Variants in CELF4 observed in about 807,000 individuals in gnomAD.
CELF4 encodes CUGBP Elav-like family member 4.
In CELF4, 18 loss-of-function variants were observed where a neutral mutation model predicts 59.9. That is an observed-to-expected ratio of 0.30 (90% CI 0.21 to 0.45). CELF4 has a LOEUF of 0.45. Among genes scored for constraint, CELF4 ranks in the 20% least tolerant of loss-of-function variants. The probability of loss-of-function intolerance (pLI) is 1.00; values close to 1 mark genes in which losing one functional copy is unlikely to be tolerated. For synonymous variants in CELF4, 261 were observed against 267.1 expected (o/e 0.98, Z 0.22); for missense variants, 456 against 689.0 (o/e 0.66, Z 3.79).
intron 2 of CELF4, among the ~76,000 whole-genome samples, chr18:37,445,632 G>A (rs2099746070): frequency 1.3e-5 from 2 of 152,128 alleles, no homozygotes; most frequent in African/African-American, 4.8e-5. Flanking sequence ...CAAGGATGGG[G>A]TGGCAGATGC....
intron 2 of CELF4, among the ~76,000 whole-genome samples, chr18:37,482,538 C>A (rs1304977486): frequency 1.3e-5 from 2 of 152,150 alleles, no homozygotes; most frequent in East Asian, 3.8e-4. Flanking sequence ...CATCAGAGGG[C>A]CCTGCTCAGG....
intron 1 of CELF4, among the ~76,000 whole-genome samples, chr18:37,508,742 G>C (rs2154604195): frequency 6.6e-6 from 1 of 152,348 alleles, no homozygotes; most frequent in Admixed American, 6.5e-5. Context: ...CCATTGGTTG[G>C]TCTCCTTAGC....
At chr18:37,461,634 T>C (rs767355354) in intron 2 of CELF4, among the ~76,000 whole-genome samples, 3 of 152,210 alleles carry the variant, frequency 2.0e-5, no homozygotes, top group Non-Finnish European at 2.9e-5. Flanking sequence ...ATTTTAGTGC[T>C]GGTGAAAGGA....
intron 2 of CELF4, among the ~76,000 whole-genome samples, chr18:37,336,337 C>G (rs1298647070): frequency 6.6e-6 from 1 of 152,196 alleles, no homozygotes; most frequent in Non-Finnish European, 1.5e-5. Flanking sequence ...GCATGTACCT[C>G]CACGCCCAGC....
At chr18:37,416,020 A>G (rs985394335) in intron 2 of CELF4, among the ~76,000 whole-genome samples, 1 of 152,222 alleles carries the variant, frequency 6.6e-6, no homozygotes, top group East Asian at 1.9e-4. Flanking sequence ...TCTCTTTGGT[A>G]TCTTTCAGAA....
chr18:37,323,464 G>A (rs997864899), intron 2 of CELF4, among the ~76,000 whole-genome samples: 1 of 152,182 alleles, frequency 6.6e-6, no homozygotes, highest in Non-Finnish European at 1.5e-5. Flanking sequence ...CTGTGAACGA[G>A]CTCCTTTCCA....
At chr18:37,545,987 C>A (rs142470003) in intron 1 of CELF4, among the ~76,000 whole-genome samples, 1 of 152,208 alleles carries the variant, frequency 6.6e-6, no homozygotes, top group Admixed American at 6.5e-5. Context: ...CACAACCACA[C>A]GTGTGTGGAG....
intron 2 of CELF4, among the ~76,000 whole-genome samples, chr18:37,336,174 C>T (rs1253393375): frequency 6.6e-6 from 1 of 152,216 alleles, no homozygotes. Context: ...AGGGAGGGCT[C>T]ACAGCCAGAA....
chr18:37,395,767 A>T (rs1460374495), intron 2 of CELF4, among the ~76,000 whole-genome samples: 1 of 152,212 alleles, frequency 6.6e-6, no homozygotes, highest in African/African-American at 2.4e-5. Flanking sequence ...AATAGCACAC[A>T]CAATTACCAG....
intron 2 of CELF4, among the ~76,000 whole-genome samples, chr18:37,413,926 GTGAGGGGCCACAT>G (rs1488541475): frequency 6.6e-6 from 1 of 152,152 alleles, no homozygotes; most frequent in Non-Finnish European, 1.5e-5. Flanking sequence ...CCTTTGTAGG[GTGAGGGGCCACAT>G]TAAGGCCTCC....
chr18:37,354,470 A>G (rs2098527173), intron 2 of CELF4, among the ~76,000 whole-genome samples: 1 of 152,194 alleles, frequency 6.6e-6, no homozygotes, highest in Admixed American at 6.5e-5. Flanking sequence ...TGTGAGTACA[A>G]GGCCAAGGAA....
At chr18:37,361,569 C>T (rs550491870) in intron 2 of CELF4, among the ~76,000 whole-genome samples, 56 of 152,310 alleles carry the variant, frequency 3.7e-4, no homozygotes, top group African/African-American at 1.1e-3. Context: ...TTAGCTGCCT[C>T]GTTTACAGTT....
At chr18:37,277,864 T>C (rs571565251) in intron 3 of CELF4, among the ~76,000 whole-genome samples, 10 of 152,160 alleles carry the variant, frequency 6.6e-5, no homozygotes, top group African/African-American at 2.4e-4. Flanking sequence ...TCCCTGGCCC[T>C]CTTGCTAAAA....
At chr18:37,374,203 C>T (rs1211778014) in intron 2 of CELF4, among the ~76,000 whole-genome samples, 1 of 152,230 alleles carries the variant, frequency 6.6e-6, no homozygotes, top group Non-Finnish European at 1.5e-5. Context: ...CCTCACCATG[C>T]ACCCTTCCTT....
chr18:37,467,681 C>T (rs2099812304), intron 2 of CELF4, among the ~76,000 whole-genome samples: 1 of 152,202 alleles, frequency 6.6e-6, no homozygotes, highest in Admixed American at 6.5e-5. Context: ...AGTCACACAG[C>T]TGCCAGAGTT....
At chr18:37,387,172 T>C (rs1569568418) in intron 2 of CELF4, among the ~76,000 whole-genome samples, 1 of 152,256 alleles carries the variant, frequency 6.6e-6, no homozygotes, top group Non-Finnish European at 1.5e-5. Flanking sequence ...CCTGGTTCCT[T>C]GTCCTGGGCA....
Position 37,266,552 on chromosome 18 carries a change from T to A in CELF4, c.1146A>T (p.Gly382=). 1 of 1,596,776 alleles carries A rather than the reference T, an allele frequency of 6.3e-7. No individual in the cohort carries two copies. The highest frequency in any genetic ancestry group is 8.5e-7 in the Non-Finnish European group (1 of 1,173,182). Residue 382 remains glycine (G), a synonymous_variant, in exon 9 of 13, where the codon GGA becomes GGT. Coordinates refer to ENST00000420428, the MANE Select transcript of CELF4 (RefSeq NM_020180.4). ...AADPLQQAYA[G]VQQYAGPAAY... ...ACTAACGACCTGCATACTGCTGCAC[T>A]CCGGCGTAGGCCTGCTGCAGGGGGT...
chr18:37,373,320 T>C (rs1321120275), intron 2 of CELF4, among the ~76,000 whole-genome samples: 2 of 152,128 alleles, frequency 1.3e-5, no homozygotes, highest in East Asian at 3.9e-4. Flanking sequence ...CCCAGAGCCC[T>C]GCCCTTCTGA....
At chr18:37,357,989 C>T (rs990280528) in intron 2 of CELF4, among the ~76,000 whole-genome samples, 5 of 152,140 alleles carry the variant, frequency 3.3e-5, no homozygotes, top group South Asian at 4.2e-4. Flanking sequence ...GGCTCACAGG[C>T]GAAAGGGACT....
Sources: gnomAD v4.1 joint callset for allele counts (sites outside exome capture counted in the v4.1 genomes callset) on GRCh38, gnomAD v4.1.1 for gene constraint, MANE v1.5 for transcripts, NCBI Gene and HGNC (gene_info 2026-07-23, HGNC 2026-07-21) for gene names.